Variants in GRM3 observed in about 807,000 individuals in gnomAD.
GRM3 encodes metabotropic glutamate receptor 3.
In GRM3, 26 loss-of-function variants were observed where a neutral mutation model predicts 70.5. The observed-to-expected ratio is 0.37, with a 90% CI of 0.27 to 0.51. The LOEUF (loss-of-function observed/expected upper bound fraction) is 0.51, where lower values mean the gene tolerates loss of function less well. Ranked by LOEUF, GRM3 falls within the 20% of genes least tolerant of loss-of-function variation. The pLI is 0.93. For missense variants in GRM3, 859 were observed against 1,123.8 expected (o/e 0.76, Z 3.37); for synonymous variants, 443 against 434.9 (o/e 1.02, Z -0.23).
At chr7:86,691,145 C>G (rs1297570520) in intron 1 of GRM3, among the ~76,000 whole-genome samples, 1 of 152,248 alleles carries the variant, frequency 6.6e-6, no homozygotes, top group East Asian at 1.9e-4. Context: ...CATTCATCAG[C>G]AAGTCTTATC....
At chr7:86,665,071 T>A (rs1388401865) in intron 1 of GRM3, among the ~76,000 whole-genome samples, 1 of 152,116 alleles carries the variant, frequency 6.6e-6, no homozygotes, top group Non-Finnish European at 1.5e-5. Flanking sequence ...GCTGTGAAAG[T>A]CTGCTTAGAG....
chr7:86,655,672 C>G (rs879589485), intron 1 of GRM3, among the ~76,000 whole-genome samples: 1 of 152,128 alleles, frequency 6.6e-6, no homozygotes, highest in Non-Finnish European at 1.5e-5. Flanking sequence ...TTATGGGTTT[C>G]ATCCACCCTT....
chr7:86,735,700 T>C (rs1001351035), intron 1 of GRM3, among the ~76,000 whole-genome samples: 1 of 152,198 alleles, frequency 6.6e-6, no homozygotes, highest in Non-Finnish European at 1.5e-5. Context: ...AAGGATCAAA[T>C]AAAGCTGTCT....
At chr7:86,823,062 G>A (rs1476812256) in intron 3 of GRM3, among the ~76,000 whole-genome samples, 2 of 152,112 alleles carry the variant, frequency 1.3e-5, no homozygotes, top group African/African-American at 2.4e-5. Context: ...TACCTTAGAC[G>A]TTTTTAGAGA....
At chr7:86,670,415 C>T (rs1751739706) in intron 1 of GRM3, among the ~76,000 whole-genome samples, 1 of 152,164 alleles carries the variant, frequency 6.6e-6, no homozygotes, top group African/African-American at 2.4e-5. Context: ...AAATGCCTGT[C>T]AATTTCTCGT....
chr7:86,679,494 G>A (rs991926827), intron 1 of GRM3, among the ~76,000 whole-genome samples: 4 of 151,908 alleles, frequency 2.6e-5, no homozygotes, highest in African/African-American at 7.3e-5. Context: ...GAGGAATCGA[G>A]GATAAAGGGG....
chr7:86,831,754 G>A (rs1331882091), intron 3 of GRM3, among the ~76,000 whole-genome samples: 2 of 145,478 alleles, frequency 1.4e-5, no homozygotes, highest in Admixed American at 7.0e-5. Flanking sequence ...ACATTTCAAG[G>A]GAACTGAAGA....
At chr7:86,717,699 C>T (rs577369325) in intron 1 of GRM3, among the ~76,000 whole-genome samples, 6 of 151,880 alleles carry the variant, frequency 4.0e-5, no homozygotes, top group African/African-American at 9.7e-5. Context: ...GGAAATCCTC[C>T]GTGTTACTTG....
At chr7:86,826,554 CAAGG>C (rs1798238236) in intron 3 of GRM3, among the ~76,000 whole-genome samples, 3 of 152,002 alleles carry the variant, frequency 2.0e-5, no homozygotes, top group African/African-American at 7.3e-5. Context: ...TCCACATATT[CAAGG>C]AAGTGTATAA....
At chr7:86,699,418 C>T (rs1334045868) in intron 1 of GRM3, among the ~76,000 whole-genome samples, 1 of 151,952 alleles carries the variant, frequency 6.6e-6, no homozygotes, top group East Asian at 1.9e-4. Flanking sequence ...AATGGCTATT[C>T]CTAAAACATC....
At chr7:86,766,328 C>A (rs1171884780) in intron 2 of GRM3, among the ~76,000 whole-genome samples, 1 of 151,366 alleles carries the variant, frequency 6.6e-6, no homozygotes, top group East Asian at 1.9e-4. Context: ...AATAAAATTT[C>A]TCAGGATATA....
intron 1 of GRM3, among the ~76,000 whole-genome samples, chr7:86,709,391 G>C (rs1173987950): frequency 1.3e-5 from 2 of 151,988 alleles, no homozygotes; most frequent in Non-Finnish European, 2.9e-5. Context: ...TCATCTTATA[G>C]GAGGCTGCTT....
intron 5 of GRM3, among the ~76,000 whole-genome samples, chr7:86,860,309 A>G (rs2299231): frequency 0.18 from 27,008 of 152,114 alleles, 3,400 homozygotes; most frequent in African/African-American, 0.37. Context: ...GGGCTAATAC[A>G]GGAGGCATAT....
rs184750319 is a variant in GRM3, at chr7:86,756,708, A to G, written c.-140-8298A>G. Among the ~76,000 whole-genome samples the G allele has an allele frequency of 2.0e-5, 3 of 152,180 alleles. No homozygotes were observed. The East Asian group carries it at 5.8e-4, about 29-fold the overall frequency. On this transcript the variant is annotated intron_variant, in intron 1 of 5. Transcript: ENST00000361669. ...GTTTTATTTATATTTATCCTGCTTG[A>G]GAATTGCTGAGCTCCTTGGTTTTGT...
At chr7:86,749,529 C>T (rs1019268161) in intron 1 of GRM3, among the ~76,000 whole-genome samples, 4 of 152,048 alleles carry the variant, frequency 2.6e-5, no homozygotes, top group African/African-American at 9.7e-5. Context: ...GCACCAAACA[C>T]GGCCTTGATG....
intron 1 of GRM3, among the ~76,000 whole-genome samples, chr7:86,712,606 T>C (rs1040698807): frequency 1.3e-5 from 2 of 152,032 alleles, no homozygotes; most frequent in Non-Finnish European, 2.9e-5. Flanking sequence ...ACTGTACATT[T>C]GTATCCATCA....
intron 2 of GRM3, among the ~76,000 whole-genome samples, chr7:86,782,099 G>A (rs537231406): frequency 1.3e-4 from 20 of 152,172 alleles, no homozygotes; most frequent in African/African-American, 4.8e-4. Flanking sequence ...AGCAAACTTT[G>A]TTCTAGAAGA....
intron 3 of GRM3, among the ~76,000 whole-genome samples, chr7:86,804,742 A>G (rs1584255514): frequency 1.3e-5 from 2 of 152,238 alleles, no homozygotes; most frequent in Non-Finnish European, 2.9e-5. Flanking sequence ...TGCTTTTCAT[A>G]TGACAGGTGC....
intron 3 of GRM3, among the ~76,000 whole-genome samples, chr7:86,796,763 C>T (rs138782969): frequency 5.6e-4 from 85 of 152,114 alleles, no homozygotes; most frequent in East Asian, 4.1e-3. Flanking sequence ...TTCTCTGATA[C>T]GGTTTGGCTG....
Sources: allele counts gnomAD v4.1 joint callset (sites outside exome capture counted in the v4.1 genomes callset), GRCh38; gene constraint gnomAD v4.1.1; transcripts MANE v1.5; gene names NCBI Gene and HGNC (gene_info 2026-07-23, HGNC 2026-07-21).